Variants in RBMS2 observed in about 807,000 individuals in gnomAD.
RBMS2 encodes the protein RNA-binding motif, single-stranded-interacting protein 2.
RBMS2 carries 38 observed loss-of-function variants against 58.4 expected under a neutral mutation model. The observed-to-expected ratio is 0.65, with a 90% CI of 0.50 to 0.85. The LOEUF (loss-of-function observed/expected upper bound fraction) is 0.85. Ranked by LOEUF, RBMS2 falls within the 40% of genes least tolerant of loss-of-function variation. The pLI is 0.00. For synonymous variants in RBMS2, 151 were observed against 180.7 expected (o/e 0.84, Z 1.32); for missense variants, 367 against 503.7 (o/e 0.73, Z 2.60).
rs1392087717 is a variant in RBMS2 at position 56,553,688 on chromosome 12, A to G, written c.67-8729A>G. ...TACCATGTTGCCCAGGCTGGTCTCA[A>G]ACTCCTGGGCTCAAGTGATCCACCC... On this transcript the variant is annotated intron_variant, in intron 1 of 13. Transcript: ENST00000262031. 3.9e-5 allele frequency among the ~76,000 whole-genome samples: 6 copies of G among 152,084 alleles called. No homozygotes were observed. In the East Asian group the frequency reaches 1.2e-3, roughly 29 times the overall value.
At chr12:56,544,528 GTAACC>G in intron 1 of RBMS2, among the ~76,000 whole-genome samples, 1 of 152,156 alleles carries the variant, frequency 6.6e-6, no homozygotes, top group African/African-American at 2.4e-5. Context: ...GTAACGTCTG[GTAACC>G]TAACGTCTCA....
At chr12:56,576,543 A>G (rs1395820192) in intron 5 of RBMS2, among the ~76,000 whole-genome samples, 5 of 152,064 alleles carry the variant, frequency 3.3e-5, no homozygotes, top group African/African-American at 9.7e-5. Context: ...CCTGAGGATA[A>G]GGGGGGACTA....
chr12:56,579,758 G>A (rs1883653174), intron 5 of RBMS2, among the ~76,000 whole-genome samples: 1 of 152,076 alleles, frequency 6.6e-6, no homozygotes, highest in Non-Finnish European at 1.5e-5. Flanking sequence ...TTTAAATATG[G>A]AAATAGGTGA....
In RBMS2 at chr12:56,530,351, T is replaced by C. The variant is rs2638299; in HGVS notation, c.66+8262T>C. Reference sequence around the variant, plus strand: ...TGTCAAGAGAGAATTTTCTTTTTCCTTTTTTTTTTTTTTTTTTTTTTTTTT... The same window carrying C: ...TGTCAAGAGAGAATTTTCTTTTTCCCTTTTTTTTTTTTTTTTTTTTTTTTT... On this transcript the variant is annotated intron_variant, in intron 1 of 13. Coordinates refer to ENST00000262031, the MANE Select transcript of RBMS2 (RefSeq NM_002898.4). 4.9e-4 allele frequency among the ~76,000 whole-genome samples: 17 copies of C among 34,346 alleles called. 1 individual carries two copies. The highest frequency in any genetic ancestry group is 9.1e-4 in the African/African-American group (16 of 17,506). 22.5% of individuals were successfully genotyped at this position (34,346 alleles called of 152,430 possible).
At chr12:56,533,596 A>T (rs1874210437) in intron 1 of RBMS2, among the ~76,000 whole-genome samples, 1 of 146,740 alleles carries the variant, frequency 6.8e-6, no homozygotes, top group African/African-American at 2.5e-5. Flanking sequence ...TTGTGTTTTT[A>T]GTAGAGACAG....
rs117228399 is a variant in RBMS2, at chr12:56,523,101, T to G, written c.66+1012T>G. On this transcript the variant is annotated intron_variant, in intron 1 of 13. Transcript: ENST00000262031. Reference sequence around the variant, plus strand: ...AAACACAAGTGTCTGATCAATGCAGTGGGTAAATGTTTAGACCCAAAACAC... The same window carrying G: ...AAACACAAGTGTCTGATCAATGCAGGGGGTAAATGTTTAGACCCAAAACAC... Among the ~76,000 whole-genome samples the G allele has an allele frequency of 1.2e-4, 19 of 152,212 alleles. No individual in the cohort carries two copies. The East Asian group carries it at 3.3e-3, about 26-fold the overall frequency.
Position 56,595,539 on chromosome 12 carries a change from G to A in RBMS2, c.*6406G>A, listed in dbSNP as rs1885692753. ...TTTTCCTTGTCCTTCCCTACAACTT[G>A]GTAGAGGTCCATTTTGTCTTACTTC... is the stretch of plus-strand genomic sequence containing the variant. On this transcript the variant is annotated 3_prime_UTR_variant, in exon 14 of 14. Transcript: ENST00000262031. 2.0e-5 allele frequency: 3 copies of A among 151,478 alleles called. No individual in the cohort carries two copies. The highest frequency in any genetic ancestry group is 2.1e-4 in the South Asian group (1 of 4,778). 9.4% of individuals were successfully genotyped at this position (151,478 alleles called of 1,614,324 possible).
chr12:56,544,980 G>C (rs1473360920), intron 1 of RBMS2, among the ~76,000 whole-genome samples: 1 of 151,884 alleles, frequency 6.6e-6, no homozygotes, highest in East Asian at 1.9e-4. Context: ...AAGTTCTTTA[G>C]CAGTGATTTC....
chr12:56,525,012 G>A (rs934956495), intron 1 of RBMS2, among the ~76,000 whole-genome samples: 2 of 151,732 alleles, frequency 1.3e-5, no homozygotes, highest in Admixed American at 1.3e-4. Context: ...ATGAGCCACT[G>A]CGCCTGGCCC....
intron 1 of RBMS2, among the ~76,000 whole-genome samples, chr12:56,562,016 G>A (rs1339890905): frequency 6.6e-6 from 1 of 151,696 alleles, no homozygotes; most frequent in Non-Finnish European, 1.5e-5. Flanking sequence ...CACCATGTTA[G>A]CCACAATGGT....
intron 2 of RBMS2, among the ~76,000 whole-genome samples, chr12:56,565,381 T>G (rs1881165503): frequency 6.6e-6 from 1 of 152,170 alleles, no homozygotes; most frequent in Admixed American, 6.5e-5. Context: ...TTTTTTTCCC[T>G]GAACCTCTCT....
intron 1 of RBMS2, among the ~76,000 whole-genome samples, chr12:56,545,446 A>G (rs1250483777): frequency 6.6e-6 from 1 of 152,220 alleles, no homozygotes; most frequent in Non-Finnish European, 1.5e-5. Context: ...AAGTTCACAC[A>G]TCATACATTT....
intron 9 of RBMS2, among the ~76,000 whole-genome samples, chr12:56,584,822 CTTTTT>C (rs373639334): frequency 7.7e-6 from 1 of 130,000 alleles, no homozygotes. Context: ...AACTTCTTGT[CTTTTT>C]TTTTTTTTTT....
chr12:56,530,719 G>C (rs1156493570), intron 1 of RBMS2, among the ~76,000 whole-genome samples: 1 of 152,168 alleles, frequency 6.6e-6, no homozygotes, highest in African/African-American at 2.4e-5. Context: ...ATCATGACCA[G>C]TTACTTGGTA....
Position 56,562,554 on chromosome 12 carries a change from T to C in RBMS2, c.204T>C (p.Thr68=), listed in dbSNP as rs748598307. The C allele has an allele frequency of 1.2e-6, 2 of 1,613,642 alleles. No homozygotes were observed. Among genetic ancestry groups the C allele is most frequent in the East Asian group, 2.2e-5 (1 of 44,882 alleles). ...TCCGAGGATTGCAACCAGGCACTAC[T>C]GACCAAGATCTTGTCAAGCTGTGTC... ...LYIRGLQPGT[T]DQDLVKLCQP... The change falls in exon 2 of 14, where the codon ACT becomes ACC. Residue 68 remains threonine, a synonymous_variant. Transcript: ENST00000262031.
chr12:56,566,902 C>A (rs1341790028), intron 2 of RBMS2, among the ~76,000 whole-genome samples: 1 of 152,042 alleles, frequency 6.6e-6, no homozygotes, highest in Non-Finnish European at 1.5e-5. Flanking sequence ...AATGAGGGAA[C>A]CAGCAGGATG....
chr12:56,547,651 TC>T (rs909962374), intron 1 of RBMS2, among the ~76,000 whole-genome samples: 8 of 126,892 alleles, frequency 6.3e-5, no homozygotes, highest in Admixed American at 1.8e-4. Flanking sequence ...ACTTTTCTTT[TC>T]TTTTTTTTTT....
At chr12:56,570,047 TC>T in intron 4 of RBMS2, 57 bp downstream of exon 4, 1 of 1,501,124 alleles carries the variant, frequency 6.7e-7, no homozygotes, top group Non-Finnish European at 9.3e-7. Flanking sequence ...GCACCAAAGT[TC>T]CAGTTCTAAG....
At chr12:56,551,133 G>GA (rs71081379) in intron 1 of RBMS2, among the ~76,000 whole-genome samples, 3 of 144,648 alleles carry the variant, frequency 2.1e-5, no homozygotes, top group South Asian at 2.1e-4. Context: ...AAAAAAAAAA[G>GA]AAAAAAAAAA....
Sources: allele counts gnomAD v4.1 joint callset (sites outside exome capture counted in the v4.1 genomes callset), GRCh38; gene constraint gnomAD v4.1.1; transcripts MANE v1.5; gene names NCBI Gene and HGNC (gene_info 2026-07-23, HGNC 2026-07-21).